NALF1: variants seen among roughly 807,000 people sequenced by gnomAD.
NALF1 encodes the protein family with sequence similarity 155 member A.
Under a neutral mutation model 48.4 loss-of-function variants are expected in NALF1, and 3 were observed. The ratio of observed to expected loss-of-function variants is 0.06; its 90% CI spans 0.03 to 0.16. The LOEUF (loss-of-function observed/expected upper bound fraction) is 0.16. Among genes scored for constraint, NALF1 ranks in the 10% least tolerant of loss-of-function variants. The probability of loss-of-function intolerance (pLI) is 1.00; values close to 1 mark genes in which losing one functional copy is unlikely to be tolerated. For synonymous variants in NALF1, 262 were observed against 245.7 expected (o/e 1.07, Z -0.62); for missense variants, 526 against 571.5 (o/e 0.92, Z 0.81).
At chr13:107,714,767 C>T (rs1445161277) in intron 1 of NALF1, among the ~76,000 whole-genome samples, 2 of 151,650 alleles carry the variant, frequency 1.3e-5, no homozygotes, top group Admixed American at 1.3e-4. Context: ...ATTGTTTTTC[C>T]TGCACAGAAA....
chr13:107,268,448 A>G (rs1423443909), intron 1 of NALF1, among the ~76,000 whole-genome samples: 1 of 152,178 alleles, frequency 6.6e-6, no homozygotes, highest in African/African-American at 2.4e-5. Context: ...ATACTCGAGG[A>G]GTACAAACAA....
chr13:107,216,669 T>C (rs1309231770), intron 1 of NALF1, among the ~76,000 whole-genome samples: 7 of 152,206 alleles, frequency 4.6e-5, no homozygotes, highest in Admixed American at 4.6e-4. Context: ...TTTCAGGGCC[T>C]CCTGAGCTTG....
chr13:107,658,449 T>A (rs573674252), intron 1 of NALF1, among the ~76,000 whole-genome samples: 2 of 152,170 alleles, frequency 1.3e-5, no homozygotes, highest in Admixed American at 1.3e-4. Flanking sequence ...TCATTTCGTA[T>A]CAATTATCAA....
At chr13:107,825,711 C>G (rs1478389808) in intron 1 of NALF1, among the ~76,000 whole-genome samples, 1 of 152,126 alleles carries the variant, frequency 6.6e-6, no homozygotes, top group Non-Finnish European at 1.5e-5. Context: ...CTTCATAAAC[C>G]TTTTAATAAG....
chr13:107,300,918 G>C (rs1881824324), intron 1 of NALF1, among the ~76,000 whole-genome samples: 1 of 152,070 alleles, frequency 6.6e-6, no homozygotes, highest in African/African-American at 2.4e-5. Flanking sequence ...CAAAATTCAG[G>C]TGTTGTTAAA....
intron 2 of NALF1, among the ~76,000 whole-genome samples, chr13:107,180,132 A>G (rs770034671): frequency 8.6e-5 from 13 of 151,688 alleles, no homozygotes; most frequent in Non-Finnish European, 1.8e-4. Context: ...ACAAAACTTT[A>G]AAAATAAAAT....
At chr13:107,228,421 C>G (rs182311077) in intron 1 of NALF1, among the ~76,000 whole-genome samples, 1 of 152,256 alleles carries the variant, frequency 6.6e-6, no homozygotes, top group Admixed American at 6.5e-5. Context: ...ATCCCATTAT[C>G]AAAGAGAAAA....
chr13:107,384,347 T>C (rs1883490500), intron 1 of NALF1, among the ~76,000 whole-genome samples: 1 of 152,314 alleles, frequency 6.6e-6, no homozygotes, highest in East Asian at 1.9e-4. Context: ...AATGTCCATG[T>C]ACCTTTACAG....
At chr13:107,513,713 G>A (rs897644419) in intron 1 of NALF1, among the ~76,000 whole-genome samples, 2 of 152,160 alleles carry the variant, frequency 1.3e-5, no homozygotes, top group Admixed American at 1.3e-4. Flanking sequence ...CCAGGAGAAT[G>A]GCTGAAAGCA....
chr13:107,761,282 A>G (rs1877255932), intron 1 of NALF1, among the ~76,000 whole-genome samples: 1 of 152,054 alleles, frequency 6.6e-6, no homozygotes, highest in Admixed American at 6.6e-5. Flanking sequence ...GCGTGAACGC[A>G]GGAGACAGAG....
At chr13:107,234,458 T>C (rs991024735) in intron 1 of NALF1, among the ~76,000 whole-genome samples, 1 of 152,194 alleles carries the variant, frequency 6.6e-6, no homozygotes, top group Non-Finnish European at 1.5e-5. Context: ...TCTGCTTTAA[T>C]GAGGATGCCA....
chr13:107,471,025 A>G (rs998304988), intron 1 of NALF1, among the ~76,000 whole-genome samples: 1 of 152,216 alleles, frequency 6.6e-6, no homozygotes, highest in Non-Finnish European at 1.5e-5. Flanking sequence ...ATATTCTTCA[A>G]GAACTATTTG....
At chr13:107,178,276 A>T (rs1401344989) in intron 2 of NALF1, among the ~76,000 whole-genome samples, 1 of 152,214 alleles carries the variant, frequency 6.6e-6, no homozygotes, top group Non-Finnish European at 1.5e-5. Flanking sequence ...AGCCCACAGA[A>T]TGGAAGAAAA....
At chr13:107,748,161 T>C (rs1193480380) in intron 1 of NALF1, among the ~76,000 whole-genome samples, 2 of 152,264 alleles carry the variant, frequency 1.3e-5, no homozygotes, top group East Asian at 3.9e-4. Context: ...ACTCCAACAG[T>C]TGTGAAAAGG....
At chr13:107,379,997 T>C (rs1379665151) in intron 1 of NALF1, among the ~76,000 whole-genome samples, 1 of 152,236 alleles carries the variant, frequency 6.6e-6, no homozygotes, top group East Asian at 1.9e-4. Flanking sequence ...TGGTAATTTA[T>C]TAACTGTTAT....
chr13:107,843,131 A>G (rs1273530801), intron 1 of NALF1, among the ~76,000 whole-genome samples: 1 of 152,220 alleles, frequency 6.6e-6, no homozygotes, highest in African/African-American at 2.4e-5. Context: ...TTACATGCAA[A>G]GCATATTTTA....
chr13:107,203,953 C>G (rs1879577385), intron 2 of NALF1, among the ~76,000 whole-genome samples: 1 of 152,126 alleles, frequency 6.6e-6, no homozygotes, highest in Non-Finnish European at 1.5e-5. Flanking sequence ...CAGAGGGAGG[C>G]AGAGCTCTCC....
At chr13:107,454,402 TA>T (rs1566349324) in intron 1 of NALF1, among the ~76,000 whole-genome samples, 1 of 152,162 alleles carries the variant, frequency 6.6e-6, no homozygotes, top group Admixed American at 6.5e-5. Context: ...CCTTCTTCAC[TA>T]GGTGGCTAGA....
chr13:107,411,958 A>G (rs988237142), intron 1 of NALF1, among the ~76,000 whole-genome samples: 1 of 152,168 alleles, frequency 6.6e-6, no homozygotes, highest in Admixed American at 6.5e-5. Context: ...GGAGGCTAAC[A>G]TGGAGGCCAC....
Sources: allele counts gnomAD v4.1 joint callset (sites outside exome capture counted in the v4.1 genomes callset), GRCh38; gene constraint gnomAD v4.1.1; transcripts MANE v1.5; gene names NCBI Gene and HGNC (gene_info 2026-07-23, HGNC 2026-07-21).